ARL3: variants seen among roughly 807,000 people sequenced by gnomAD.
The protein encoded by ARL3 is ADP-ribosylation factor-like protein 3.
In ARL3, 9 loss-of-function variants were observed where a neutral mutation model predicts 26.0. That is an observed-to-expected ratio of 0.35 (90% CI 0.21 to 0.60). The LOEUF (loss-of-function observed/expected upper bound fraction) is 0.60, where lower values mean the gene tolerates loss of function less well. ARL3 is among the 20% of genes least tolerant of loss of function. ARL3 has a pLI of 0.78. For missense variants in ARL3, 158 were observed against 215.7 expected, an observed-to-expected ratio of 0.73 and a Z score of 1.67; for synonymous variants, 71 against 78.4, an observed-to-expected ratio of 0.91 and a Z score of 0.50.
intron 1 of ARL3, among the ~76,000 whole-genome samples, chr10:102,712,298 G>A (rs2064346514): frequency 6.6e-6 from 1 of 152,132 alleles, no homozygotes; most frequent in Non-Finnish European, 1.5e-5. Context: ...AGTTAACCAT[G>A]GGGGCTCATG....
intron 3 of ARL3, among the ~76,000 whole-genome samples, chr10:102,690,886 C>A (rs1482918915): frequency 3.7e-5 from 5 of 134,606 alleles, no homozygotes; most frequent in Admixed American, 3.0e-4. Flanking sequence ...TTTCAAACCT[C>A]TTTTTTTTTT....
At chr10:102,689,035 T>C (rs988895061) in intron 4 of ARL3, among the ~76,000 whole-genome samples, 2 of 152,192 alleles carry the variant, frequency 1.3e-5, no homozygotes, top group East Asian at 3.9e-4. Context: ...ATTAGAAAAC[T>C]GTTTAGGCTG....
intron 5 of ARL3, among the ~76,000 whole-genome samples, chr10:102,681,015 C>A (rs2064153823): frequency 6.6e-6 from 1 of 152,174 alleles, no homozygotes; most frequent in South Asian, 2.1e-4. Flanking sequence ...AGGTCTGACT[C>A]ACAGATAAGC....
chr10:102,683,779 A>G (rs1004720746), intron 5 of ARL3, among the ~76,000 whole-genome samples: 1 of 151,978 alleles, frequency 6.6e-6, no homozygotes, highest in African/African-American at 2.4e-5. Context: ...AGGAGCATGG[A>G]GTTCTATCCT....
intron 3 of ARL3, among the ~76,000 whole-genome samples, chr10:102,694,027 G>A (rs1186936373): frequency 9.2e-5 from 14 of 151,698 alleles, no homozygotes; most frequent in Non-Finnish European, 1.6e-4. Context: ...TTGCTCTGTC[G>A]CCCAGGCTGG....
At chr10:102,701,240 T>G (rs1003641348) in intron 2 of ARL3, among the ~76,000 whole-genome samples, 10 of 152,130 alleles carry the variant, frequency 6.6e-5, no homozygotes, top group Non-Finnish European at 1.3e-4. Context: ...AACCAGGATT[T>G]GAAAAACCCA....
chr10:102,712,478 A>G (rs934450132), intron 1 of ARL3, among the ~76,000 whole-genome samples: 10 of 152,198 alleles, frequency 6.6e-5, no homozygotes, highest in African/African-American at 2.2e-4. Context: ...TCTTAGGAAA[A>G]AGGAAAAAAG....
chr10:102,711,886 TTTTG>T (rs1375295180), intron 1 of ARL3, among the ~76,000 whole-genome samples: 2 of 152,212 alleles, frequency 1.3e-5, no homozygotes, highest in South Asian at 2.1e-4. Context: ...TACCCTCGTG[TTTTG>T]TTTATTTTTT....
chr10:102,698,243 C>A (rs1022947551), intron 3 of ARL3, among the ~76,000 whole-genome samples: 3 of 151,482 alleles, frequency 2.0e-5, no homozygotes, highest in Non-Finnish European at 2.9e-5. Context: ...ACTCTGTCTT[C>A]CAGGCTGGAG....
chr10:102,701,789 A>C (rs1379131137), intron 2 of ARL3, among the ~76,000 whole-genome samples: 1 of 152,196 alleles, frequency 6.6e-6, no homozygotes, highest in Non-Finnish European at 1.5e-5. Flanking sequence ...ATTTATTCTG[A>C]GGAAATAATA....
At position 102,676,794 on chromosome 10, in the gene ARL3, G is replaced by T; in HGVS notation, c.*100C>A. Reference sequence around the variant, plus strand: ...TCCCTCTCTTCAAACAGCTGGAGCTGTACACAGATGGAAAAACATTTGGTC... The same window carrying T: ...TCCCTCTCTTCAAACAGCTGGAGCTTTACACAGATGGAAAAACATTTGGTC... On this transcript the variant is annotated 3_prime_UTR_variant, in exon 6 of 6. Coordinates refer to ENST00000260746, the MANE Select transcript of ARL3 (RefSeq NM_004311.4). 7.9e-7 allele frequency: 1 copy of T among 1,273,630 alleles called. No homozygotes were observed. Among genetic ancestry groups the T allele is most frequent in the Non-Finnish European group, 1.1e-6 (1 of 885,804 alleles). 78.9% of individuals were successfully genotyped at this position (1,273,630 alleles called of 1,614,324 possible). A position where few individuals can be genotyped will look rare whatever the true frequency, so the allele number is the denominator to read the frequency against.
chr10:102,692,015 C>G (rs1003871955), intron 3 of ARL3, among the ~76,000 whole-genome samples: 3 of 152,154 alleles, frequency 2.0e-5, no homozygotes, highest in Admixed American at 2.0e-4. Flanking sequence ...TTATCTTGTA[C>G]TAGTGTCGAG....
chr10:102,692,731 C>T (rs2064225578), intron 3 of ARL3, among the ~76,000 whole-genome samples: 3 of 151,474 alleles, frequency 2.0e-5, no homozygotes, highest in Admixed American at 2.0e-4. Flanking sequence ...TTTTTTGAGA[C>T]AGAGTCTCGC....
rs2064129639 is a variant in ARL3, at chr10:102,676,177, T to C, written c.*717A>G. The C allele has an allele frequency of 6.6e-6, 1 of 151,762 alleles. No homozygotes were observed. Among genetic ancestry groups the C allele is most frequent in the Admixed American group, 6.6e-5 (1 of 15,126 alleles). The allele number at this position is 151,762 out of a possible 1,614,324, so 9.4% of individuals were successfully genotyped here. ...CATTACAGTCAAAAGTCATAAGAAT[T>C]TGCTTCTCTGTGTGGCTGGCTGGGG... On this transcript the variant is annotated 3_prime_UTR_variant, in exon 6 of 6. Transcript: ENST00000260746.
chr10:102,691,950 T>C (rs2064220346), intron 3 of ARL3, among the ~76,000 whole-genome samples: 1 of 152,214 alleles, frequency 6.6e-6, no homozygotes, highest in Non-Finnish European at 1.5e-5. Context: ...CTCATACTTG[T>C]TTAATCTCAA....
rs189833460 is a variant in ARL3 at position 102,681,200 on chromosome 10, C to A, written c.502-4259G>T. Among the ~76,000 whole-genome samples, 653 of 151,832 alleles carry A rather than the reference C, an allele frequency of 4.3e-3. 7 individuals carry two copies. The highest frequency in any genetic ancestry group is 0.015 in the African/African-American group (621 of 41,408). On this transcript the variant is annotated intron_variant, in intron 5 of 5. Transcript: ENST00000260746. ...GTCAGGAGTTCGAGACCAGCCTGGC[C>A]AACATGGTGAAACCTCGTTGCTACT...
At chr10:102,680,310 C>T (rs960239699) in intron 5 of ARL3, among the ~76,000 whole-genome samples, 2 of 152,104 alleles carry the variant, frequency 1.3e-5, no homozygotes, top group African/African-American at 2.4e-5. Flanking sequence ...ATGGGGATGA[C>T]GATCTTACGG....
intron 1 of ARL3, among the ~76,000 whole-genome samples, chr10:102,711,635 T>C (rs956721746): frequency 6.6e-6 from 1 of 151,916 alleles, no homozygotes; most frequent in Non-Finnish European, 1.5e-5. Context: ...CGGGCGCCCA[T>C]AGTCCCATCT....
intron 2 of ARL3, among the ~76,000 whole-genome samples, chr10:102,700,763 C>T (rs529353280): frequency 9.3e-5 from 13 of 139,438 alleles, no homozygotes; most frequent in East Asian, 9.0e-4. Flanking sequence ...TGTGCCCAGC[C>T]GGAAGTCTTT....
Sources: gnomAD v4.1 joint callset for allele counts (sites outside exome capture counted in the v4.1 genomes callset) on GRCh38, gnomAD v4.1.1 for gene constraint, MANE v1.5 for transcripts, NCBI Gene and HGNC (gene_info 2026-07-23, HGNC 2026-07-21) for gene names.